The following NXPE4 variants were observed in gnomAD, a reference collection of about 807,000 sequenced individuals.
The protein encoded by NXPE4 is neurexophilin and PC-esterase domain family member 4.
In NXPE4, 42 loss-of-function variants were observed where a neutral mutation model predicts 33.3. The observed-to-expected ratio is 1.26, with a 90% CI of 0.98 to 1.63. NXPE4 has a LOEUF of 1.63. Among genes scored for constraint, NXPE4 ranks in the 40% most tolerant of loss-of-function variants. The pLI is 0.00. For missense variants in NXPE4, 709 were observed against 647.6 expected, an observed-to-expected ratio of 1.09 and a Z score of -1.03; for synonymous variants, 253 against 234.9, an observed-to-expected ratio of 1.08 and a Z score of -0.71.
At chr11:114,586,096 T>C (rs918183287) in intron 2 of NXPE4, among the ~76,000 whole-genome samples, 1 of 152,172 alleles carries the variant, frequency 6.6e-6, no homozygotes, top group African/African-American at 2.4e-5. Flanking sequence ...GGGTGACCAA[T>C]CTTTTTTGCC....
At chr11:114,602,440 T>C in the NXPE4 span, among the ~76,000 whole-genome samples, 1 of 133,874 alleles carries the variant, frequency 7.5e-6, no homozygotes, top group African/African-American at 2.7e-5. Flanking sequence ...AATTATAATA[T>C]ATAATATATA....
the NXPE4 span, among the ~76,000 whole-genome samples, chr11:114,616,699 A>G: frequency 6.6e-6 from 1 of 151,730 alleles, no homozygotes; most frequent in African/African-American, 2.4e-5. Flanking sequence ...CTCGTCTGAA[A>G]CCACTGTTAC....
intron 5 of NXPE4, 83 bp from the exon 6 acceptor site, chr11:114,571,556 T>C: frequency 8.2e-7 from 1 of 1,226,932 alleles, no homozygotes; most frequent in South Asian, 1.5e-5. Flanking sequence ...AGAGATTTGA[T>C]TGGTATAATT....
the NXPE4 span, among the ~76,000 whole-genome samples, chr11:114,636,769 A>G: frequency 2.0e-5 from 3 of 151,526 alleles, no homozygotes; most frequent in African/African-American, 7.3e-5. Context: ...GTAGTTGAGT[A>G]GTTTTGAGTG....
At chr11:114,641,659 A>G in the NXPE4 span, among the ~76,000 whole-genome samples, 1 of 152,084 alleles carries the variant, frequency 6.6e-6, no homozygotes, top group African/African-American at 2.4e-5. Context: ...CAAATGGAAA[A>G]GATACTAATA....
intron 2 of NXPE4, among the ~76,000 whole-genome samples, chr11:114,590,161 A>G (rs141742259): frequency 0.014 from 2,192 of 152,278 alleles, 40 homozygotes; most frequent in African/African-American, 0.05. Context: ...TCCCATCCTC[A>G]GGTCAGGGTC....
At chr11:114,613,486 G>A in the NXPE4 span, among the ~76,000 whole-genome samples, 2 of 151,936 alleles carry the variant, frequency 1.3e-5, no homozygotes, top group South Asian at 4.1e-4. Context: ...TGCCTCGTGG[G>A]TAACCACTAT....
At chr11:114,613,918 C>T in the NXPE4 span, among the ~76,000 whole-genome samples, 27 of 151,916 alleles carry the variant, frequency 1.8e-4, 1 homozygote, top group Admixed American at 4.6e-4. Context: ...CCACTGTTAC[C>T]CAGTGGATAA....
At chr11:114,614,533 T>A in the NXPE4 span, among the ~76,000 whole-genome samples, 1 of 151,848 alleles carries the variant, frequency 6.6e-6, no homozygotes. Context: ...GGGGAACCAG[T>A]GTTACCCAGT....
At chr11:114,601,499 G>C in the NXPE4 span, among the ~76,000 whole-genome samples, 1 of 18,948 alleles carries the variant, frequency 5.3e-5, no homozygotes, top group African/African-American at 1.6e-4. Context: ...TTATTATATA[G>C]TATATAAATT....
chr11:114,583,114 T>C (rs955299738), intron 2 of NXPE4, 93 bp from the exon 3 acceptor site: 7 of 1,333,262 alleles, frequency 5.3e-6, no homozygotes, highest in Non-Finnish European at 7.2e-6. Flanking sequence ...GAAATTAACA[T>C]GTTCCTAGTC....
the NXPE4 span, among the ~76,000 whole-genome samples, chr11:114,656,896 T>C: frequency 6.6e-6 from 1 of 151,962 alleles, no homozygotes; most frequent in African/African-American, 2.4e-5. Flanking sequence ...ATCGAGACCA[T>C]CCTGGCTAAC....
intron 5 of NXPE4, among the ~76,000 whole-genome samples, chr11:114,575,403 T>G (rs531978949): frequency 3.3e-5 from 5 of 152,106 alleles, no homozygotes; most frequent in Non-Finnish European, 7.4e-5. Context: ...AGTCAAACTG[T>G]TGCTGTGGCT....
chr11:114,674,181 A>G, the NXPE4 span, among the ~76,000 whole-genome samples: 3 of 151,854 alleles, frequency 2.0e-5, no homozygotes, highest in Non-Finnish European at 4.4e-5. Flanking sequence ...TTTATTTAAA[A>G]AATTCATGCA....
chr11:114,608,181 C>T, the NXPE4 span, among the ~76,000 whole-genome samples: 10 of 151,768 alleles, frequency 6.6e-5, 1 homozygote, highest in African/African-American at 1.5e-4. Flanking sequence ...AGTATTGCCT[C>T]GTGGGTAACC....
the NXPE4 span, among the ~76,000 whole-genome samples, chr11:114,630,203 C>T: frequency 6.6e-6 from 1 of 151,648 alleles, no homozygotes; most frequent in Non-Finnish European, 1.5e-5. Context: ...AAAAAAGAGC[C>T]CTCATCGCCA....
At chr11:114,601,884 T>TATACAATTATATATATTATATATAA in the NXPE4 span, among the ~76,000 whole-genome samples, 1 of 15,796 alleles carries the variant, frequency 6.3e-5, no homozygotes, top group Non-Finnish European at 8.5e-5. Context: ...TTATATATAA[T>TATACAATTATATATATTATATATAA]TATATATTAT....
At chr11:114,645,260 C>T in the NXPE4 span, among the ~76,000 whole-genome samples, 1 of 152,034 alleles carries the variant, frequency 6.6e-6, no homozygotes, top group Non-Finnish European at 1.5e-5. Flanking sequence ...GAGATCATGT[C>T]ACTGCACTCC....
chr11:114,574,960 C>T (rs989097658), intron 5 of NXPE4, among the ~76,000 whole-genome samples: 3 of 151,998 alleles, frequency 2.0e-5, no homozygotes, highest in Non-Finnish European at 4.4e-5. Flanking sequence ...ACTAGCTAAC[C>T]AAATCCAATG....
Sources: allele counts gnomAD v4.1 joint callset (sites outside exome capture counted in the v4.1 genomes callset), GRCh38; gene constraint gnomAD v4.1.1; transcripts MANE v1.5; gene names NCBI Gene and HGNC (gene_info 2026-07-23, HGNC 2026-07-21).